DISP1: variants seen among roughly 807,000 people sequenced by gnomAD.
The protein encoded by DISP1 is dispatched RND transporter family member 1.
Under a neutral mutation model 37.3 loss-of-function variants are expected in DISP1, and 30 were observed. The observed-to-expected ratio is 0.80, with a 90% CI of 0.60 to 1.09. DISP1 has a LOEUF of 1.09. Among genes scored for constraint, DISP1 ranks in the 50% least tolerant of loss-of-function variants. The probability of loss-of-function intolerance (pLI) is 0.00; values close to 1 mark genes in which losing one functional copy is unlikely to be tolerated. For synonymous variants in DISP1, 634 were observed against 690.2 expected (o/e 0.92, Z 1.28); for missense variants, 1,598 against 1,879.5 (o/e 0.85, Z 2.77).
Position 223,005,497 on chromosome 1 carries a change from A to T in DISP1, c.4100A>T (p.Glu1367Val). Reference protein sequence around the residue: ...LHPVQHIQAQEKIGKTNVHSL... With the variant: ...LHPVQHIQAQVKIGKTNVHSL... ...CCAGTGCAGCACATTCAGGCCCAAG[A>T]AAAAATTGGCAAGACCAATGTACAC... The change falls in exon 9 of 9, where the codon GAA becomes GTA. Residue 1367 changes from glutamate to valine, a missense_variant. Coordinates refer to ENST00000675850, the MANE Select transcript of DISP1 (RefSeq NM_001377229.1). 1.2e-6 allele frequency: 2 copies of T among 1,614,052 alleles called. No individual in the cohort carries two copies. The highest frequency in any genetic ancestry group is 1.7e-6 in the Non-Finnish European group (2 of 1,180,024).
chr1:222,907,232 G>T (rs1477640926), intron 1 of DISP1, among the ~76,000 whole-genome samples: 1 of 152,100 alleles, frequency 6.6e-6, no homozygotes, highest in African/African-American at 2.4e-5. Flanking sequence ...TAATCAGAAG[G>T]GCTTCCATTG....
intron 1 of DISP1, among the ~76,000 whole-genome samples, chr1:222,815,494 T>C (rs1193263708): frequency 1.3e-5 from 2 of 152,032 alleles, no homozygotes; most frequent in Non-Finnish European, 2.9e-5. Flanking sequence ...AGGGAGTCAG[T>C]CCTTCTCTGA....
intron 1 of DISP1, among the ~76,000 whole-genome samples, chr1:222,919,406 A>G (rs1291712222): frequency 1.3e-5 from 2 of 152,168 alleles, no homozygotes; most frequent in African/African-American, 2.4e-5. Context: ...CCTGTGATCA[A>G]TCAAACAGCT....
chr1:222,974,717 T>G (rs1221275467), intron 3 of DISP1, among the ~76,000 whole-genome samples: 5 of 152,186 alleles, frequency 3.3e-5, no homozygotes, highest in African/African-American at 1.2e-4. Flanking sequence ...AACATTGAGC[T>G]CTGGTGCATG....
chr1:222,973,371 CT>C (rs1455648659), intron 3 of DISP1, among the ~76,000 whole-genome samples: 1 of 152,146 alleles, frequency 6.6e-6, no homozygotes, highest in Non-Finnish European at 1.5e-5. Context: ...CCCTTCTGAG[CT>C]TCTAAAATAT....
At chr1:222,873,847 T>C (rs1271916117) in intron 1 of DISP1, among the ~76,000 whole-genome samples, 1 of 152,226 alleles carries the variant, frequency 6.6e-6, no homozygotes, top group Non-Finnish European at 1.5e-5. Flanking sequence ...GCTCATTAGT[T>C]GATGCAGTTT....
chr1:222,884,230 T>C (rs916662462), intron 1 of DISP1, among the ~76,000 whole-genome samples: 2 of 152,186 alleles, frequency 1.3e-5, no homozygotes, highest in African/African-American at 4.8e-5. Flanking sequence ...AAAACTTTCA[T>C]AGAGTTCCTG....
chr1:222,838,104 AG>A (rs1338073933), intron 1 of DISP1, among the ~76,000 whole-genome samples: 1 of 152,176 alleles, frequency 6.6e-6, no homozygotes, highest in African/African-American at 2.4e-5. Flanking sequence ...AATAAGGCAA[AG>A]GAAGATTTAG....
At chr1:222,926,527 G>A (rs189215642) in intron 1 of DISP1, among the ~76,000 whole-genome samples, 17 of 152,212 alleles carry the variant, frequency 1.1e-4, no homozygotes, top group Admixed American at 7.8e-4. Context: ...TACAGGATTA[G>A]GTTCCTGTAA....
intron 2 of DISP1, among the ~76,000 whole-genome samples, chr1:222,939,653 A>G (rs995351419): frequency 4.6e-5 from 7 of 151,624 alleles, no homozygotes; most frequent in African/African-American, 1.7e-4. Context: ...ACATGGTGAA[A>G]CCCTGTCTCT....
intron 3 of DISP1, among the ~76,000 whole-genome samples, chr1:222,974,743 G>T (rs1288187734): frequency 6.6e-6 from 1 of 152,156 alleles, no homozygotes; most frequent in Non-Finnish European, 1.5e-5. Flanking sequence ...TGGGTTAGAG[G>T]CCAAGCTTAG....
chr1:222,954,977 C>T (rs559588851), intron 3 of DISP1, among the ~76,000 whole-genome samples: 1 of 152,190 alleles, frequency 6.6e-6, no homozygotes, highest in African/African-American at 2.4e-5. Flanking sequence ...CTGGGGAATG[C>T]AAGCAATCCC....
chr1:222,818,973 G>T (rs574352483), intron 1 of DISP1, among the ~76,000 whole-genome samples: 1 of 152,322 alleles, frequency 6.6e-6, no homozygotes, highest in East Asian at 1.9e-4. Context: ...GTTTGGCTCT[G>T]TGTCCCCACC....
chr1:222,884,432 C>T (rs972001029), intron 1 of DISP1, among the ~76,000 whole-genome samples: 10 of 152,172 alleles, frequency 6.6e-5, no homozygotes, highest in Non-Finnish European at 1.2e-4. Flanking sequence ...GTAGTCTCTT[C>T]CAATCTGTTA....
At chr1:222,998,486 A>G (rs1433748331) in intron 8 of DISP1, among the ~76,000 whole-genome samples, 1 of 152,038 alleles carries the variant, frequency 6.6e-6, no homozygotes, top group African/African-American at 2.4e-5. Context: ...TTGTACTCAT[A>G]ATTCAGACAT....
Position 222,994,965 on chromosome 1 carries a change from A to T in DISP1, c.970A>T (p.Asn324Tyr). ...WNLPAIKSMC[N>Y]VDNSRIRSHP... Reference sequence around the variant, plus strand: ...TTTACCTGCAATTAAATCAATGTGCAATGTAGATAATTCCAGGGTATGTAA... The same window carrying T: ...TTTACCTGCAATTAAATCAATGTGCTATGTAGATAATTCCAGGGTATGTAA... The change falls in exon 8 of 9, where the codon AAT becomes TAT. Residue 324 changes from asparagine (N) to tyrosine (Y), a missense_variant. Transcript: ENST00000675850. 1 of 1,612,362 alleles carries T rather than the reference A, an allele frequency of 6.2e-7. No individual in the cohort carries two copies. Among genetic ancestry groups the T allele is most frequent in the Non-Finnish European group, 8.5e-7 (1 of 1,178,732 alleles).
chr1:222,823,588 G>T (rs1219880681), intron 1 of DISP1, among the ~76,000 whole-genome samples: 1 of 152,000 alleles, frequency 6.6e-6, no homozygotes, highest in Admixed American at 6.6e-5. Context: ...TTGGGTGATG[G>T]TTACACAAGA....
Position 223,005,444 on chromosome 1 carries a change from T to C in DISP1, c.4047T>C (p.Asn1349=). ...GAGTAAAGCCAGCCGGAATGCAGAA[T>C]TCTCTGCCTAGGAATTTTTTCCTCC... is the stretch of plus-strand genomic sequence containing the variant. ...QGRVKPAGMQ[N]SLPRNFFLHP... is the part of the protein sequence containing the mutation. The change falls in exon 9 of 9, where the codon AAT becomes AAC. Residue 1349 remains asparagine, a synonymous_variant. Transcript: ENST00000675850. 6.2e-7 allele frequency: 1 copy of C among 1,613,578 alleles called. No individual in the cohort carries two copies. The highest frequency in any genetic ancestry group is 2.2e-5 in the East Asian group (1 of 44,868).
At position 222,893,251 on chromosome 1, in the gene DISP1, C is replaced by T. The variant is rs1048461950; in HGVS notation, c.-158-35179C>T. Among the ~76,000 whole-genome samples, 2 of 152,152 alleles carry T rather than the reference C, an allele frequency of 1.3e-5. No individual in the cohort carries two copies. Among genetic ancestry groups the T allele is most frequent in the African/African-American group, 4.8e-5 (2 of 41,440 alleles). Reference sequence around the variant, plus strand: ...GTTTTCTATTAAATGGATAATAACCCTATCATGGAAAAATTATTCACTGTA... The same window carrying T: ...GTTTTCTATTAAATGGATAATAACCTTATCATGGAAAAATTATTCACTGTA... On this transcript the variant is annotated intron_variant, in intron 1 of 8. Transcript: ENST00000675850. The surrounding 1 kb of genome is among the most constrained non-coding windows in gnomAD (Gnocchi z 4.3).
Sources: gnomAD v4.1 joint callset for allele counts (sites outside exome capture counted in the v4.1 genomes callset) on GRCh38, gnomAD v4.1.1 for gene constraint, Gnocchi (gnomAD v3.1) non-coding constraint, MANE v1.5 for transcripts, NCBI Gene and HGNC (gene_info 2026-07-23, HGNC 2026-07-21) for gene names.